The following ROBO2 variants were observed in gnomAD, a reference collection of about 807,000 sequenced individuals.
ROBO2 encodes roundabout homolog 2.
A neutral mutation model predicts 160.8 loss-of-function variants in ROBO2; 53 were observed. The observed-to-expected ratio is 0.33, with a 90% CI of 0.26 to 0.41. The LOEUF (loss-of-function observed/expected upper bound fraction) is 0.41. Ranked by LOEUF, ROBO2 falls within the 10% of genes least tolerant of loss-of-function variation. The probability of loss-of-function intolerance (pLI) is 1.00; values close to 1 mark genes in which losing one functional copy is unlikely to be tolerated. For synonymous variants in ROBO2, 664 were observed against 611.7 expected (o/e 1.09, Z -1.26); for missense variants, 1,577 against 1,722.4 (o/e 0.92, Z 1.49).
chr3:75,979,219 A>G (rs547140604), intron 2 of ROBO2, among the ~76,000 whole-genome samples: 2 of 151,662 alleles, frequency 1.3e-5, no homozygotes, highest in Non-Finnish European at 3.0e-5. Flanking sequence ...ATACTCTATC[A>G]TACTAGGATG....
At chr3:76,924,364 A>G (rs919398716) in intron 2 of ROBO2, among the ~76,000 whole-genome samples, 1 of 152,170 alleles carries the variant, frequency 6.6e-6, no homozygotes, top group Non-Finnish European at 1.5e-5. Context: ...TTAAAGGCCC[A>G]AGAAAACTGC....
At chr3:76,332,129 G>A (rs2073537947) in intron 2 of ROBO2, among the ~76,000 whole-genome samples, 1 of 152,192 alleles carries the variant, frequency 6.6e-6, no homozygotes, top group Non-Finnish European at 1.5e-5. Flanking sequence ...TTTCCATTGT[G>A]AATGGCAAGG....
intron 2 of ROBO2, among the ~76,000 whole-genome samples, chr3:76,920,861 G>GT (rs1044141334): frequency 1.6e-4 from 24 of 152,168 alleles, no homozygotes; most frequent in African/African-American, 5.1e-4. Flanking sequence ...AATAGAATGA[G>GT]TTTTTTTAAA....
rs117526652 is a variant in ROBO2 at position 75,987,929 on chromosome 3, T to C, written c.109+50327T>C. ...TATGCTGCTGAATTTGGTTTGCTAGTATTTTGTGGAGGATTTTTGCGTTGA... is the reference window on the plus strand; with the variant it reads ...TATGCTGCTGAATTTGGTTTGCTAGCATTTTGTGGAGGATTTTTGCGTTGA... On this transcript the variant is annotated intron_variant, in intron 2 of 26. Coordinates refer to the ROBO2 transcript ENST00000487694. Among the ~76,000 whole-genome samples the C allele has an allele frequency of 8.5e-5, 13 of 152,192 alleles. No homozygotes were observed. The East Asian group carries it at 2.5e-3, about 30-fold the overall frequency.
At chr3:77,522,856 G>T in exon 6 of ROBO2, 2 of 1,609,736 alleles carry the variant, frequency 1.2e-6, no homozygotes, top group Non-Finnish European at 1.7e-6. Flanking sequence ...GTATTGCTGA[G>T]AATCGGGTTG....
At chr3:77,336,504 C>T (rs1241309565) in intron 2 of ROBO2, among the ~76,000 whole-genome samples, 2 of 151,874 alleles carry the variant, frequency 1.3e-5, no homozygotes, top group African/African-American at 4.8e-5. Flanking sequence ...TCTTTCTCCT[C>T]TTCCTCTTTC....
chr3:77,275,358 A>G (rs1039079561), intron 2 of ROBO2, among the ~76,000 whole-genome samples: 1 of 152,194 alleles, frequency 6.6e-6, no homozygotes, highest in African/African-American at 2.4e-5. Flanking sequence ...GAACTTTAAT[A>G]GAACTTTAGC....
intron 2 of ROBO2, among the ~76,000 whole-genome samples, chr3:76,168,815 A>G (rs565430654): frequency 6.6e-6 from 1 of 152,034 alleles, no homozygotes; most frequent in South Asian, 2.1e-4. Context: ...TGGAATCCTT[A>G]AGTGATCAGA....
At chr3:77,396,824 G>A (rs927481777) in intron 2 of ROBO2, among the ~76,000 whole-genome samples, 6 of 152,016 alleles carry the variant, frequency 3.9e-5, no homozygotes, top group African/African-American at 1.4e-4. Flanking sequence ...GAAAAGGAAG[G>A]CACTTATGTG....
intron 24 of ROBO2, 118 bp downstream of exon 25, chr3:77,635,161 A>G: frequency 9.5e-7 from 1 of 1,058,172 alleles, no homozygotes; most frequent in Non-Finnish European, 1.4e-6. Context: ...TAACAAGACA[A>G]AAACCTGGCA....
At chr3:76,330,372 A>AT (rs1457767835) in intron 2 of ROBO2, among the ~76,000 whole-genome samples, 4 of 152,220 alleles carry the variant, frequency 2.6e-5, no homozygotes, top group African/African-American at 9.6e-5. Context: ...ATTAAATAGC[A>AT]TTTTTGATAG....
intron 2 of ROBO2, among the ~76,000 whole-genome samples, chr3:75,947,614 C>G (rs1004718687): frequency 7.2e-5 from 11 of 152,194 alleles, no homozygotes; most frequent in Admixed American, 7.2e-4. Context: ...AAGAGAGAAG[C>G]ATCATAGTGG....
chr3:77,029,913 T>A (rs2063205094), intron 2 of ROBO2, among the ~76,000 whole-genome samples: 1 of 152,216 alleles, frequency 6.6e-6, no homozygotes, highest in South Asian at 2.1e-4. Context: ...CCTTGAACTA[T>A]ATAACGAAAA....
intron 2 of ROBO2, among the ~76,000 whole-genome samples, chr3:76,065,331 T>A (rs2068216198): frequency 6.6e-6 from 1 of 152,114 alleles, no homozygotes. Flanking sequence ...AAATAACGTG[T>A]GAGAACAATT....
chr3:77,279,067 T>C lies in ROBO2; in HGVS notation c.388+180727T>C, dbSNP rs114243807. ...CTAGACCTCGATATTTTATTAGTGATGGTCTGGATTATTTGTTGTTGTGAG... is the reference window on the plus strand; with the variant it reads ...CTAGACCTCGATATTTTATTAGTGACGGTCTGGATTATTTGTTGTTGTGAG... On this transcript the variant is annotated intron_variant, in intron 2 of 25. Transcript: ENST00000461745. Among the ~76,000 whole-genome samples, 769 of 152,234 alleles carry C rather than the reference T, an allele frequency of 5.1e-3. 8 individuals are homozygous for C. The highest frequency in any genetic ancestry group is 0.017 in the African/African-American group (717 of 41,560).
intron 1 of ROBO2, among the ~76,000 whole-genome samples, chr3:77,076,340 A>G (rs572860432): frequency 1.4e-3 from 212 of 152,292 alleles, no homozygotes; most frequent in Non-Finnish European, 2.7e-3. Context: ...TTTAAATTAT[A>G]GCACCTAATT....
chr3:75,968,935 A>G (rs2064897003), intron 2 of ROBO2, among the ~76,000 whole-genome samples: 1 of 144,254 alleles, frequency 6.9e-6, no homozygotes, highest in Non-Finnish European at 1.6e-5. Context: ...TGTTTTAGAT[A>G]GTACATAGAT....
chr3:77,636,794 A>G (rs115976361), intron 24 of ROBO2, among the ~76,000 whole-genome samples: 2 of 152,214 alleles, frequency 1.3e-5, no homozygotes, highest in African/African-American at 4.8e-5. Context: ...CAGGAAACAC[A>G]ATATTACTGG....
Position 76,226,640 on chromosome 3 carries a change from C to T in ROBO2, c.109+289038C>T, listed in dbSNP as rs536454140. 6.6e-5 allele frequency among the ~76,000 whole-genome samples: 10 copies of T among 152,180 alleles called. No homozygotes were observed. In the South Asian group the frequency reaches 1.0e-3, roughly 16 times the overall value. ...ATCATGAATCTCAACCCAGCCTAGA[C>T]AAAATAATATCCCTTTAGTGATGTA... is the stretch of plus-strand genomic sequence containing the variant. On this transcript the variant is annotated intron_variant, in intron 2 of 26. Transcript: ENST00000487694.
Sources: gnomAD v4.1 joint callset for allele counts (sites outside exome capture counted in the v4.1 genomes callset) on GRCh38, gnomAD v4.1.1 for gene constraint, MANE v1.5 for transcripts, NCBI Gene and HGNC (gene_info 2026-07-23, HGNC 2026-07-21) for gene names.